The following MTHFD2L variants were observed in gnomAD, a reference collection of about 807,000 sequenced individuals.
MTHFD2L encodes methylenetetrahydrofolate dehydrogenase (NADP+ dependent) 2 like.
A neutral mutation model predicts 34.9 loss-of-function variants in MTHFD2L; 29 were observed. That is an observed-to-expected ratio of 0.83 (90% confidence interval 0.62 to 1.13). MTHFD2L has a LOEUF of 1.13. Ranked by LOEUF, MTHFD2L falls within the 50% of genes most tolerant of loss-of-function variation. MTHFD2L has a pLI of 0.00. For synonymous variants in MTHFD2L, 167 were observed against 155.7 expected (o/e 1.07, Z -0.54); for missense variants, 481 against 446.5 (o/e 1.08, Z -0.70).
At chr4:74,215,239 A>G (rs1737006335) in intron 5 of MTHFD2L, among the ~76,000 whole-genome samples, 1 of 151,712 alleles carries the variant, frequency 6.6e-6, no homozygotes, top group South Asian at 2.1e-4. Flanking sequence ...CGACACTGGG[A>G]TATGAGAAAA....
chr4:74,172,061 CA>C (rs1248580351), intron 1 of MTHFD2L, among the ~76,000 whole-genome samples: 1 of 151,680 alleles, frequency 6.6e-6, no homozygotes, highest in Admixed American at 6.6e-5. Flanking sequence ...AATAGCTGGC[CA>C]AAAAAGAGTA....
intron 6 of MTHFD2L, among the ~76,000 whole-genome samples, chr4:74,275,652 T>C (rs997992920): frequency 6.6e-6 from 1 of 152,144 alleles, no homozygotes; most frequent in African/African-American, 2.4e-5. Context: ...TGGTGTGAGA[T>C]GGTATCTCAT....
intron 6 of MTHFD2L, among the ~76,000 whole-genome samples, chr4:74,273,302 AGG>A (rs984718063): frequency 2.8e-4 from 43 of 152,306 alleles, no homozygotes; most frequent in African/African-American, 9.6e-4. Flanking sequence ...GCCAGAAGAA[AGG>A]GGGAACAAGT....
At chr4:74,284,998 T>G (rs1015435289) in intron 7 of MTHFD2L, among the ~76,000 whole-genome samples, 38 of 152,162 alleles carry the variant, frequency 2.5e-4, no homozygotes, top group Non-Finnish European at 5.1e-4. Context: ...CACCATTGAA[T>G]ACTATGCAGC....
In MTHFD2L at chr4:74,197,735, C is replaced by T. The variant is rs191546068; in HGVS notation, c.452-2059C>T. 3.0e-3 allele frequency among the ~76,000 whole-genome samples: 464 copies of T among 152,198 alleles called. 1 individual carries two copies. Among genetic ancestry groups the T allele is most frequent in the South Asian group, 8.5e-3 (41 of 4,824 alleles). On this transcript the variant is annotated intron_variant, in intron 3 of 7. Coordinates refer to ENST00000325278, the MANE Select transcript of MTHFD2L (RefSeq NM_001144978.3). Reference sequence around the variant, plus strand: ...TAAAATGGGCATGATCATACCTTTCCTACTTTTATCCCCAGTAACTATGAA... The same window carrying T: ...TAAAATGGGCATGATCATACCTTTCTTACTTTTATCCCCAGTAACTATGAA...
At chr4:74,159,990 G>A in intron 1 of MTHFD2L, 1 of 1,124,426 alleles carries the variant, frequency 8.9e-7, no homozygotes. Flanking sequence ...TGGACTGGTG[G>A]GTCTCGGGTG....
intron 7 of MTHFD2L, among the ~76,000 whole-genome samples, chr4:74,294,673 A>C (rs1052301917): frequency 6.6e-6 from 1 of 152,044 alleles, no homozygotes; most frequent in East Asian, 1.9e-4. Context: ...TTCTTCCATC[A>C]TCTCTATCAT....
intron 1 of MTHFD2L, among the ~76,000 whole-genome samples, chr4:74,147,208 C>CT (rs942326104): frequency 6.6e-6 from 1 of 151,832 alleles, no homozygotes. Context: ...AAGTTCTTTT[C>CT]TTTTTTTTCT....
At chr4:74,199,636 A>G (rs572523356) in intron 3 of MTHFD2L, among the ~76,000 whole-genome samples, 158 bp from the exon 4 acceptor site, 167 of 151,006 alleles carry the variant, frequency 1.1e-3, no homozygotes, top group Middle Eastern at 6.8e-3. Context: ...TTGGCTTACT[A>G]TTTTGGTGGC....
chr4:74,193,096 C>A (rs1732849625), intron 3 of MTHFD2L, among the ~76,000 whole-genome samples: 1 of 151,996 alleles, frequency 6.6e-6, no homozygotes, highest in Admixed American at 6.6e-5. Flanking sequence ...GTTTAGATTT[C>A]TAATTGATTT....
At chr4:74,247,259 C>T (rs1742611170) in intron 6 of MTHFD2L, among the ~76,000 whole-genome samples, 1 of 151,716 alleles carries the variant, frequency 6.6e-6, no homozygotes, top group Non-Finnish European at 1.5e-5. Flanking sequence ...TGGGAGTTCA[C>T]TCATGATTTG....
intron 7 of MTHFD2L, among the ~76,000 whole-genome samples, chr4:74,283,296 T>G (rs1747730037): frequency 6.6e-6 from 1 of 152,178 alleles, no homozygotes; most frequent in African/African-American, 2.4e-5. Flanking sequence ...TGTTTTTTAC[T>G]GAAAGTAAAA....
intron 6 of MTHFD2L, chr4:74,268,265 A>G (rs1578665873): frequency 1.0e-6 from 1 of 983,844 alleles, no homozygotes; most frequent in Non-Finnish European, 1.2e-6. Context: ...AATGCTGAAG[A>G]AAGTTTTTCT....
chr4:74,194,035 G>GT (rs1294323704), intron 3 of MTHFD2L: 2 of 152,114 alleles, frequency 1.3e-5, no homozygotes, highest in Non-Finnish European at 2.9e-5. Flanking sequence ...TAATTGTAAA[G>GT]TTTTTTATAA....
At chr4:74,230,804 G>A (rs16850729) in intron 6 of MTHFD2L, among the ~76,000 whole-genome samples, 1,602 of 152,178 alleles carry the variant, frequency 0.011, 35 homozygotes, top group African/African-American at 0.037. Context: ...AGATCATTGG[G>A]CTTTCTCGTA....
At chr4:74,179,409 T>G (rs1196696368) in intron 3 of MTHFD2L, among the ~76,000 whole-genome samples, 2 of 152,118 alleles carry the variant, frequency 1.3e-5, no homozygotes, top group African/African-American at 2.4e-5. Flanking sequence ...CATAATTTCT[T>G]TTTGGTAAGG....
chr4:74,161,499 G>C (rs1430807726), intron 1 of MTHFD2L: 3 of 152,174 alleles, frequency 2.0e-5, no homozygotes, highest in South Asian at 4.1e-4. Context: ...TTTCTAAGAA[G>C]TTCTTATGTC....
chr4:74,163,102 G>A (rs1051027392), intron 1 of MTHFD2L, among the ~76,000 whole-genome samples: 6 of 151,638 alleles, frequency 4.0e-5, no homozygotes, highest in Non-Finnish European at 8.8e-5. Flanking sequence ...GTTAGTGTTG[G>A]CAACAAATAC....
At chr4:74,123,145 G>A (rs769772076), upstream of MTHFD2L, 7 of 152,134 alleles carry the variant, frequency 4.6e-5, no homozygotes, top group Non-Finnish European at 1.0e-4. Flanking sequence ...TTCTGCCAGT[G>A]TTAGTTTCAA....
Sources: allele counts gnomAD v4.1 joint callset (sites outside exome capture counted in the v4.1 genomes callset), GRCh38; gene constraint gnomAD v4.1.1; transcripts MANE v1.5; gene names NCBI Gene and HGNC (gene_info 2026-07-23, HGNC 2026-07-21).